Variants in NR6A1 observed in about 807,000 individuals in gnomAD.
The protein encoded by NR6A1 is retinoic acid receptor-related testis-associated receptor.
Under a neutral mutation model 59.1 loss-of-function variants are expected in NR6A1, and 7 were observed. The observed-to-expected ratio is 0.12, with a 90% confidence interval of 0.07 to 0.22. The LOEUF (loss-of-function observed/expected upper bound fraction) is 0.22, where lower values mean the gene tolerates loss of function less well. NR6A1 is among the 10% of genes least tolerant of loss of function. The pLI is 1.00. For synonymous variants in NR6A1, 243 were observed against 236.1 expected, an observed-to-expected ratio of 1.03 and a Z score of -0.27; for missense variants, 468 against 611.6, an observed-to-expected ratio of 0.77 and a Z score of 2.48.
At chr9:124,642,081 C>T (rs919364351) in intron 2 of NR6A1, among the ~76,000 whole-genome samples, 3 of 151,912 alleles carry the variant, frequency 2.0e-5, no homozygotes, top group African/African-American at 7.3e-5. Flanking sequence ...TCAAGTCTTG[C>T]TCTGTCACCT....
chr9:124,631,463 T>C (rs191965982), intron 2 of NR6A1, among the ~76,000 whole-genome samples: 6 of 152,328 alleles, frequency 3.9e-5, no homozygotes, highest in Non-Finnish European at 1.5e-5. Flanking sequence ...TTCTGCAGCA[T>C]AGCTTTAAAT....
At chr9:124,552,534 C>T (rs1321067191) in intron 3 of NR6A1, among the ~76,000 whole-genome samples, 1 of 152,184 alleles carries the variant, frequency 6.6e-6, no homozygotes, top group Non-Finnish European at 1.5e-5. Flanking sequence ...AACATGTAAA[C>T]AGCTATGCCA....
intron 9 of NR6A1, among the ~76,000 whole-genome samples, 200 bp downstream of exon 9, chr9:124,524,521 C>G (rs1310625901): frequency 6.6e-6 from 1 of 152,148 alleles, no homozygotes; most frequent in Non-Finnish European, 1.5e-5. Context: ...ATCATAAGAG[C>G]TCAGGAAATT....
intron 2 of NR6A1, among the ~76,000 whole-genome samples, chr9:124,655,693 T>G (rs1196159565): frequency 6.6e-6 from 1 of 152,150 alleles, no homozygotes; most frequent in Non-Finnish European, 1.5e-5. Flanking sequence ...CTGGAAAGAA[T>G]CTTCCCTTCT....
intron 2 of NR6A1, among the ~76,000 whole-genome samples, chr9:124,649,863 T>C (rs1837047365): frequency 1.3e-5 from 2 of 152,154 alleles, no homozygotes; most frequent in African/African-American, 4.8e-5. Context: ...TCAACATCAT[T>C]AATCATTGAA....
At chr9:124,674,150 C>T (rs1238861331) in intron 2 of NR6A1, among the ~76,000 whole-genome samples, 1 of 152,148 alleles carries the variant, frequency 6.6e-6, no homozygotes, top group Non-Finnish European at 1.5e-5. Flanking sequence ...ATAGTAAGTG[C>T]TCCATAAATG....
rs566831493 is a variant in NR6A1, at chr9:124,568,442, C to T, written c.143-13872G>A. Among the ~76,000 whole-genome samples, 90 of 150,350 alleles carry T rather than the reference C, an allele frequency of 6.0e-4. 1 individual carries two copies. In the South Asian group the frequency reaches 0.018, roughly 30 times the overall value. The stretch of plus-strand genomic sequence containing the variant: ...AGGTTGCAGTGAACCGAGATTGTGC[C>T]ACTGCACTCCAGCCTGGGTGACACA... On this transcript the variant is annotated intron_variant, in intron 2 of 9. Transcript: ENST00000487099.
intron 2 of NR6A1, among the ~76,000 whole-genome samples, chr9:124,613,290 G>A (rs1463611355): frequency 6.6e-6 from 1 of 152,124 alleles, no homozygotes; most frequent in Admixed American, 6.5e-5. Context: ...AGCTAAGAAG[G>A]TGCTACTGCA....
intron 2 of NR6A1, among the ~76,000 whole-genome samples, chr9:124,612,376 G>GAA (rs892442390): frequency 6.6e-6 from 1 of 152,054 alleles, no homozygotes; most frequent in Non-Finnish European, 1.5e-5. Flanking sequence ...GGAAAGCAGA[G>GAA]AAAAAAACAG....
At chr9:124,537,977 CATT>C in intron 6 of NR6A1, 112 bp downstream of exon 6, 1 of 760,534 alleles carries the variant, frequency 1.3e-6, no homozygotes, top group Non-Finnish European at 2.1e-6. Context: ...ACACTTGAGT[CATT>C]ATCCCCCCAA....
In NR6A1 at chr9:124,590,041, G is replaced by A. The variant is rs148541291; in HGVS notation, c.143-35471C>T. Among the ~76,000 whole-genome samples the A allele has an allele frequency of 1.3e-3, 157 of 122,890 alleles. 2 individuals are homozygous for A. The highest frequency in any genetic ancestry group is 4.3e-3 in the African/African-American group (138 of 31,930). 80.6% of individuals were successfully genotyped at this position (122,890 alleles called of 152,430 possible). A position where few individuals can be genotyped will look rare whatever the true frequency, so the allele number is the denominator to read the frequency against. ...GATCGCACCACTGTTCTCCAGCCTG[G>A]TGACAGAGCAAGACTCTGTCAAAAA... is the stretch of plus-strand genomic sequence containing the variant. On this transcript the variant is annotated intron_variant, in intron 2 of 9. Coordinates refer to ENST00000487099, the MANE Select transcript of NR6A1 (RefSeq NM_033334.4).
intron 5 of NR6A1, 28 bp downstream of exon 5, chr9:124,540,005 A>C (rs535907891): frequency 8.3e-6 from 13 of 1,574,306 alleles, no homozygotes; most frequent in East Asian, 6.9e-5. Flanking sequence ...TCCCTAGATG[A>C]TGACCATGGG....
chr9:124,629,907 C>CT, intron 2 of NR6A1, among the ~76,000 whole-genome samples: 1 of 152,224 alleles, frequency 6.6e-6, no homozygotes, highest in South Asian at 2.1e-4. Context: ...TTTAGGGCAA[C>CT]TTTATTTCAT....
At chr9:124,748,616 T>C (rs1471467396) in intron 1 of NR6A1, among the ~76,000 whole-genome samples, 1 of 152,052 alleles carries the variant, frequency 6.6e-6, no homozygotes, top group East Asian at 1.9e-4. Flanking sequence ...ATCCCAGCAC[T>C]TTGGGAGGCC....
chr9:124,599,237 G>T, intron 2 of NR6A1: 1 of 446,408 alleles, frequency 2.2e-6, no homozygotes, highest in Non-Finnish European at 4.2e-6. Flanking sequence ...GAGGTCAGGA[G>T]TTTGAGACCA....
At position 124,749,118 on chromosome 9, in the gene NR6A1, C is replaced by T. The variant is rs550097184; in HGVS notation, c.101-15769G>A. ...TCTCTACTAAAAATACAAAATTAGC[C>T]GAGTGTAGTGGCGCATGTCTGTAAT... On this transcript the variant is annotated intron_variant, in intron 1 of 9. Transcript: ENST00000487099. 7.2e-5 allele frequency among the ~76,000 whole-genome samples: 11 copies of T among 151,896 alleles called. No homozygotes were observed. In the East Asian group the frequency reaches 1.6e-3, roughly 22 times the overall value.
intron 2 of NR6A1, among the ~76,000 whole-genome samples, chr9:124,667,874 TTTAAG>T (rs1269954703): frequency 6.6e-6 from 1 of 152,208 alleles, no homozygotes; most frequent in Non-Finnish European, 1.5e-5. Flanking sequence ...ATCATAACTT[TTTAAG>T]TTATTTATAA....
intron 2 of NR6A1, among the ~76,000 whole-genome samples, chr9:124,664,339 T>C (rs536389826): frequency 4.1e-4 from 62 of 152,328 alleles, no homozygotes; most frequent in Non-Finnish European, 6.5e-4. Flanking sequence ...CTCCCAGAAA[T>C]TGGCTGAACT....
At chr9:124,543,706 C>G in intron 4 of NR6A1, 96 bp downstream of exon 4, 2 of 887,804 alleles carry the variant, frequency 2.3e-6, no homozygotes, top group Non-Finnish European at 1.7e-6. Context: ...TGGCTCTCCT[C>G]AGCAGCAGAT....
Sources: gnomAD v4.1 joint callset for allele counts (sites outside exome capture counted in the v4.1 genomes callset) on GRCh38, gnomAD v4.1.1 for gene constraint, MANE v1.5 for transcripts, NCBI Gene and HGNC (gene_info 2026-07-23, HGNC 2026-07-21) for gene names.